The following CACNA1F variants were observed in gnomAD, a reference collection of about 807,000 sequenced individuals.
CACNA1F encodes the protein voltage-dependent L-type calcium channel subunit alpha-1F.
Under a neutral mutation model 143.8 loss-of-function variants are expected in CACNA1F, and 59 were observed. The ratio of observed to expected loss-of-function variants is 0.41; its 90% CI spans 0.33 to 0.51. The LOEUF (loss-of-function observed/expected upper bound fraction) is 0.51, where lower values mean the gene tolerates loss of function less well. Ranked by LOEUF, CACNA1F falls within the 20% of genes least tolerant of loss-of-function variation. The probability of loss-of-function intolerance (pLI) is 0.22; values close to 1 mark genes in which losing one functional copy is unlikely to be tolerated. For missense variants in CACNA1F, 1,411 were observed against 1,647.5 expected (o/e 0.86, Z 2.48); for synonymous variants, 643 against 649.1 (o/e 0.99, Z 0.14).
At chrX:49,225,757 T>C (rs2065816719) in intron 13 of CACNA1F, 152 bp downstream of exon 13, 1 of 449,924 alleles carries the variant, frequency 2.2e-6, no homozygotes, top group Middle Eastern at 4.3e-4. Flanking sequence ...AGCTACAAGG[T>C]GGGATGGGAC....
chrX:49,214,090 A>G, intron 30 of CACNA1F, 69 bp downstream of exon 30: 1 of 777,466 alleles, frequency 1.3e-6, no homozygotes, highest in South Asian at 2.1e-5. Flanking sequence ...CCAACCCCAG[A>G]GCTCTGCAAT....
chrX:49,210,809 A>G (rs1302347418), intron 37 of CACNA1F, 123 bp from the exon 38 acceptor site: 2 of 840,739 alleles, frequency 2.4e-6, no homozygotes, highest in Non-Finnish European at 3.5e-6. Flanking sequence ...GAAGAACTGG[A>G]GGGCAGTCAG....
In CACNA1F at chrX:49,205,333, C is replaced by T. The variant is rs868973320; in HGVS notation, c.5705G>A (p.Arg1902Gln). 18 of 1,205,172 alleles carry T rather than the reference C, an allele frequency of 1.5e-5. No individual in the cohort carries two copies. Among genetic ancestry groups the T allele is most frequent in the African/African-American group, 7.1e-5 (4 of 56,719 alleles). Residue 1902 changes from arginine to glutamine, a missense_variant, in exon 48 of 48, where the codon CGA (arginine) becomes CAA (glutamine). Physicochemically the swap from Arg to Gln is conservative, Grantham distance 43 (BLOSUM62 1). Coordinates refer to ENST00000323022, the MANE Select transcript of CACNA1F (RefSeq NM_001256789.3). ...LISEGLGLFA[R>Q]DPRFVALAKQ... ...GGCCAGGGCCACGAAACGTGGGTCT[C>T]GAGCAAAGAGGCCCAGACCCTCTGA...
rs1157692941 is a variant in CACNA1F at position 49,231,934 on chromosome X, G to A, written c.26-7C>T. On this transcript the variant is annotated splice_region_variant and splice_polypyrimidine_tract_variant and intron_variant, in intron 1 of 47. Transcript: ENST00000323022. ...CTGGGCTCTGGGGTGGTGTCTATAT[G>A]GAGAAACTGTGTCAGGGAGGGACAG... 2 of 1,169,711 alleles carry A rather than the reference G, an allele frequency of 1.7e-6. No individual in the cohort carries two copies. The highest frequency in any genetic ancestry group is 2.3e-6 in the Non-Finnish European group (2 of 875,598).
Position 49,230,220 on chromosome X carries a change from C to G in CACNA1F, c.817G>C (p.Asp273His), listed in dbSNP as rs1557110968. The G allele has an allele frequency of 8.3e-7, 1 of 1,201,012 alleles. No homozygotes were observed. The highest frequency in any genetic ancestry group is 1.1e-6 in the Non-Finnish European group (1 of 888,821). ...GCCTAGGAGGGGCGGGCAGACTAAC[C>G]GGATCCCAGGAAGTAGCACGTCTTG... Reference protein sequence around the residue: ...MHKTCYFLGSDMEAEEDPSPC... With the variant: ...MHKTCYFLGSHMEAEEDPSPC... Residue 273 changes from aspartate (D) to histidine (H), a missense_variant and splice_region_variant, in exon 6 of 48, where the codon GAC becomes CAC. By Grantham distance (81) the Asp-to-His change is moderately conservative. Around this residue, in one of 3 missense-constraint regions of CACNA1F, gnomAD observed 950 missense variants for 1,128.1 expected, o/e 0.84. Transcript: ENST00000323022.
Position 49,227,007 on chromosome X carries a change from C to G in CACNA1F, c.1239G>C (p.Glu413Asp), listed in dbSNP as rs1732568994. The change falls in exon 9 of 48, where the codon GAG becomes GAC. Residue 413 changes from glutamate (E) to aspartate (D), a missense_variant. This residue lies in a region of CACNA1F where 950 missense variants were observed against 1,128.1 expected (regional missense o/e 0.84). Transcript: ENST00000323022. The part of the protein sequence containing the change: ...GYLDWITQAE[E>D]LDMEDPSADD... ...CGGCGGAGGGGTCCTCCATGTCCAG[C>G]TCTTCGGCTTGAGTGATCCAGTCCA... 20 of 1,211,792 alleles carry G rather than the reference C, an allele frequency of 1.7e-5. No homozygotes were observed. Among genetic ancestry groups the G allele is most frequent in the Non-Finnish European group, 2.2e-5 (20 of 895,326 alleles).
chrX:49,224,699 C>G, intron 14 of CACNA1F, 62 bp downstream of exon 14: 2 of 704,368 alleles, frequency 2.8e-6, no homozygotes, highest in Non-Finnish European at 4.4e-6. Context: ...ATCATTGGAG[C>G]TTGGGTGGGG....
chrX:49,213,699 T>A (rs1557106741), intron 31 of CACNA1F, 120 bp downstream of exon 31: 1 of 560,478 alleles, frequency 1.8e-6, no homozygotes, highest in African/African-American at 2.3e-5. Flanking sequence ...GAGGACTGAG[T>A]CTCCAGGAGT....
chrX:49,229,377 G>A (rs1297639773), intron 6 of CACNA1F, among the ~76,000 whole-genome samples: 2 of 111,744 alleles, frequency 1.8e-5, no homozygotes, highest in Non-Finnish European at 3.8e-5. Flanking sequence ...GGCTGGTCTC[G>A]AACTCCTGAC....
In CACNA1F at chrX:49,212,411, G is replaced by A. The variant is rs1226674993; in HGVS notation, c.3943-103C>T. On this transcript the variant is annotated intron_variant, in intron 33 of 47. Transcript: ENST00000323022. Reference sequence around the variant, plus strand: ...TTTCCCTGGCCTGGGCCTACTGGGAGATGCAGTCCATCTCCAAAGTGCCAA... The same window carrying A: ...TTTCCCTGGCCTGGGCCTACTGGGAAATGCAGTCCATCTCCAAAGTGCCAA... 4 of 699,567 alleles carry A rather than the reference G, an allele frequency of 5.7e-6. No homozygotes were observed. In the African/African-American group the frequency reaches 8.5e-5, roughly 15 times the overall value. 57.7% of individuals were successfully genotyped at this position (699,567 alleles called of 1,213,427 possible).
At chrX:49,232,684 G>A (rs1011435010) in intron 1 of CACNA1F, among the ~76,000 whole-genome samples, 3 of 112,114 alleles carry the variant, frequency 2.7e-5, no homozygotes, top group African/African-American at 6.5e-5. Flanking sequence ...TTTTGCAGAT[G>A]AGAAAATTGA....
intron 43 of CACNA1F, among the ~76,000 whole-genome samples, chrX:49,208,140 G>A (rs935031580): frequency 1.5e-4 from 16 of 103,338 alleles, no homozygotes; most frequent in African/African-American, 5.7e-4. Context: ...AGAGGTTGCA[G>A]TGAGCCGAAA....
In CACNA1F at chrX:49,219,620, CT is replaced by C. The variant is rs1341715551; in HGVS notation, c.2543+13del. The stretch of plus-strand genomic sequence containing the variant: ...GCCCCTCCTGCCTCACCCCCTGCCA[CT>C]TCCGGCACTCACGGGTTGGTTTGGC... On this transcript the variant is annotated intron_variant, in intron 20 of 47. Transcript: ENST00000323022. 1 of 1,198,251 alleles carries C rather than the reference CT, an allele frequency of 8.3e-7. No homozygotes were observed. The highest frequency in any genetic ancestry group is 1.1e-6 in the Non-Finnish European group (1 of 888,623).
Position 49,231,932 on chromosome X carries a change from A to T in CACNA1F, c.26-5T>A. On this transcript the variant is annotated splice_region_variant and splice_polypyrimidine_tract_variant and intron_variant, in intron 1 of 47. Transcript: ENST00000323022. ...GACTGGGCTCTGGGGTGGTGTCTAT[A>T]TGGAGAAACTGTGTCAGGGAGGGAC... is the stretch of plus-strand genomic sequence containing the variant. 1 of 1,172,101 alleles carries T rather than the reference A, an allele frequency of 8.5e-7. No homozygotes were observed. Among genetic ancestry groups the T allele is most frequent in the Non-Finnish European group, 1.1e-6 (1 of 876,232 alleles).
At chrX:49,233,237 G>A in intron 1 of CACNA1F, 48 bp downstream of exon 1, 1 of 1,199,794 alleles carries the variant, frequency 8.3e-7, no homozygotes, top group Non-Finnish European at 1.1e-6. Flanking sequence ...GGGTCAGAGG[G>A]GCTCTACCTT....
intron 17 of CACNA1F, 110 bp from the exon 18 acceptor site, chrX:49,221,190 A>G (rs2065771683): frequency 1.6e-6 from 1 of 625,270 alleles, no homozygotes; most frequent in South Asian, 2.4e-5. Context: ...GCTCTTCCCC[A>G]CTGCCCCTCC....
intron 13 of CACNA1F, 72 bp from the exon 14 acceptor site, chrX:49,225,058 C>T (rs2065810683): frequency 1.4e-6 from 1 of 707,007 alleles, no homozygotes; most frequent in Non-Finnish European, 2.2e-6. Flanking sequence ...TAACTAGGGA[C>T]CATGGGGTGA....
At chrX:49,208,411 G>GCCCCCCCCCCCCCCCCCCCCCCCC in intron 43 of CACNA1F, 104 bp downstream of exon 43, 5 of 414,477 alleles carry the variant, frequency 1.2e-5, no homozygotes, top group South Asian at 3.1e-5. Flanking sequence ...AGGCCTCTAG[G>GCCCCCCCCCCCCCCCCCCCCCCCC]CCCTCCCTCC....
Position 49,205,833 on chromosome X carries a change from A to G in CACNA1F, c.5473-20T>C, listed in dbSNP as rs2065590066. 8.5e-7 allele frequency: 1 copy of G among 1,176,952 alleles called. No individual in the cohort carries two copies. Among genetic ancestry groups the G allele is most frequent in the East Asian group, 3.1e-5 (1 of 32,248 alleles). On this transcript the variant is annotated intron_variant, in intron 46 of 47. Coordinates refer to ENST00000323022, the MANE Select transcript of CACNA1F (RefSeq NM_001256789.3). ...GGAACCCTGAGCCAGAATAAACATC[A>G]GAGGGGCAGGGATGGATGAGTAGGG...
Sources: allele counts gnomAD v4.1 joint callset (sites outside exome capture counted in the v4.1 genomes callset), GRCh38; gene constraint gnomAD v4.1.1; regional missense constraint gnomAD v4.1.1; transcripts MANE v1.5; gene names NCBI Gene and HGNC (gene_info 2026-07-23, HGNC 2026-07-21).